Variants in TTC28 observed in about 807,000 individuals in gnomAD.
The protein encoded by TTC28 is tetratricopeptide repeat protein 28.
A neutral mutation model predicts 198.0 loss-of-function variants in TTC28; 61 were observed. That is an observed-to-expected ratio of 0.31 (90% CI 0.25 to 0.38). TTC28 has a LOEUF of 0.38. TTC28 is among the 10% of genes least tolerant of loss of function. The probability of loss-of-function intolerance (pLI) is 1.00; values close to 1 mark genes in which losing one functional copy is unlikely to be tolerated. For synonymous variants in TTC28, 1,171 were observed against 1,297.8 expected (o/e 0.90, Z 2.10); for missense variants, 2,678 against 3,164.0 (o/e 0.85, Z 3.69).
Position 27,983,060 on chromosome 22 carries a change from T to C in TTC28, c.6607A>G (p.Thr2203Ala), listed in dbSNP as rs1250397013. 2 of 1,551,622 alleles carry C rather than the reference T, an allele frequency of 1.3e-6. No individual in the cohort carries two copies. Among genetic ancestry groups the C allele is most frequent in the Admixed American group, 2.0e-5 (1 of 50,992 alleles). The stretch of plus-strand genomic sequence containing the variant: ...GTTTCTGACGCTCTGAAGACAGCAG[T>C]GCTGCTGGGCGCCTGAACGCCGTCT... ...PEDGVQAPSS[T>A]AVFRASETSA... The change falls in exon 23 of 23, where the codon ACT becomes GCT. Residue 2203 changes from threonine (T) to alanine (A), a missense_variant. Transcript: ENST00000397906.
intron 2 of TTC28, among the ~76,000 whole-genome samples, chr22:28,472,670 G>A (rs1312606903): frequency 1.3e-5 from 2 of 151,252 alleles, no homozygotes; most frequent in African/African-American, 4.9e-5. Context: ...GACCAGTTCA[G>A]GCAAGTTATA....
At chr22:28,150,381 C>G (rs150357989) in intron 6 of TTC28, among the ~76,000 whole-genome samples, 27 of 152,302 alleles carry the variant, frequency 1.8e-4, no homozygotes, top group African/African-American at 6.5e-4. Context: ...CGGAGGTGAT[C>G]TGAATAATCG....
intron 2 of TTC28, among the ~76,000 whole-genome samples, chr22:28,341,621 G>A (rs2045830513): frequency 6.6e-6 from 1 of 151,970 alleles, no homozygotes; most frequent in South Asian, 2.1e-4. Context: ...GTGAAACCCT[G>A]TCTCTACTAA....
At chr22:28,436,512 T>C (rs936428504) in intron 2 of TTC28, among the ~76,000 whole-genome samples, 4 of 152,072 alleles carry the variant, frequency 2.6e-5, no homozygotes, top group African/African-American at 7.2e-5. Flanking sequence ...GTTCTTAAAG[T>C]ATAACCAGTA....
intron 5 of TTC28, among the ~76,000 whole-genome samples, chr22:28,224,347 A>T (rs1266696786): frequency 6.6e-6 from 1 of 152,148 alleles, no homozygotes; most frequent in Non-Finnish European, 1.5e-5. Context: ...AAGGTTCCAT[A>T]GCACATGTAG....
chr22:28,193,175 C>T (rs930729707), intron 5 of TTC28, among the ~76,000 whole-genome samples: 6 of 152,106 alleles, frequency 3.9e-5, no homozygotes, highest in Admixed American at 3.9e-4. Context: ...ATTTCATATC[C>T]AGCCAAACTA....
At chr22:28,298,010 CAT>C (rs758110190) in intron 3 of TTC28, among the ~76,000 whole-genome samples, 158 bp from the exon 4 acceptor site, 11 of 152,206 alleles carry the variant, frequency 7.2e-5, no homozygotes, top group Non-Finnish European at 1.6e-4. Context: ...CCACTTATCT[CAT>C]ATGACTAGCA....
chr22:28,082,509 G>T (rs894283255), intron 12 of TTC28, among the ~76,000 whole-genome samples: 1 of 152,188 alleles, frequency 6.6e-6, no homozygotes, highest in Non-Finnish European at 1.5e-5. Flanking sequence ...AAATGATCAT[G>T]TGTTTTTTGT....
At chr22:28,641,316 C>A (rs1030005173) in intron 1 of TTC28, among the ~76,000 whole-genome samples, 43 of 151,444 alleles carry the variant, frequency 2.8e-4, no homozygotes, top group Non-Finnish European at 5.6e-4. Context: ...GAGCAAGACT[C>A]CGTCTCAAAA....
chr22:28,348,995 T>C (rs907537181), intron 2 of TTC28, among the ~76,000 whole-genome samples: 1 of 152,144 alleles, frequency 6.6e-6, no homozygotes, highest in African/African-American at 2.4e-5. Flanking sequence ...ACACACACAG[T>C]GCCCTGACAA....
chr22:28,441,227 G>A (rs1176613293), intron 2 of TTC28, among the ~76,000 whole-genome samples: 1 of 152,162 alleles, frequency 6.6e-6, no homozygotes, highest in South Asian at 2.1e-4. Context: ...ACTGCATATT[G>A]GGTAAAATAG....
rs1437255701 is a variant in TTC28 at position 28,233,784 on chromosome 22, G to A, written c.933+62414C>T. Among the ~76,000 whole-genome samples the A allele has an allele frequency of 5.3e-5, 8 of 152,228 alleles. No individual in the cohort carries two copies. The East Asian group carries it at 5.8e-4, about 11-fold the overall frequency. On this transcript the variant is annotated intron_variant, in intron 5 of 22. Transcript: ENST00000397906. Reference sequence around the variant, plus strand: ...TTTGGAGATGGAGTCTCATTCTGTCGCCCAGGCTGGAGTGCAGTGGCGCAA... The same window carrying A: ...TTTGGAGATGGAGTCTCATTCTGTCACCCAGGCTGGAGTGCAGTGGCGCAA...
At chr22:28,675,735 T>TCACTCGCGCA (rs1555910098) in intron 1 of TTC28, among the ~76,000 whole-genome samples, 4 of 135,206 alleles carry the variant, frequency 3.0e-5, no homozygotes, top group African/African-American at 8.4e-5. Context: ...TGAAACCCTG[T>TCACTCGCGCA]CACACACACA....
rs544512812 is a variant in TTC28, at chr22:28,378,556, G to A, written c.382-71913C>T. Among the ~76,000 whole-genome samples the A allele has an allele frequency of 3.3e-5, 5 of 151,946 alleles. No individual in the cohort carries two copies. In the South Asian group the frequency reaches 1.0e-3, roughly 32 times the overall value. ...CCAGATACTAGGGTGGCTGAGGCAG[G>A]AGGATCACCTGACCCCAGAGGTTGG... On this transcript the variant is annotated intron_variant, in intron 2 of 22. Transcript: ENST00000397906.
At chr22:28,191,614 C>G (rs1012732366) in intron 5 of TTC28, among the ~76,000 whole-genome samples, 1 of 152,228 alleles carries the variant, frequency 6.6e-6, no homozygotes, top group South Asian at 2.1e-4. Context: ...TTCCAACGGT[C>G]TTAGCAAATG....
At chr22:28,327,976 G>A (rs1199063516) in intron 2 of TTC28, among the ~76,000 whole-genome samples, 5 of 152,138 alleles carry the variant, frequency 3.3e-5, no homozygotes, top group Admixed American at 3.3e-4. Context: ...ATTCAAGAGA[G>A]AAAAGATAAA....
Position 28,107,625 on chromosome 22 carries a change from T to G in TTC28, c.2220A>C (p.Gln740His). ...CCTTTACCTGGTGAGCTAAGCCCAG[T>G]TGCTGCTCATAGAATTTTATTGCAC... The part of the protein sequence containing the change: ...INGAIKFYEQ[Q>H]LGLAHQVKDR... Residue 740 changes from glutamine to histidine, a missense_variant, in exon 7 of 23, where the codon CAA becomes CAC. Around this residue, in one of 8 missense-constraint regions of TTC28, gnomAD observed 775 missense variants for 845.9 expected, o/e 0.92. Coordinates refer to ENST00000397906, the MANE Select transcript of TTC28 (RefSeq NM_001145418.2). 2.6e-6 allele frequency: 4 copies of G among 1,551,784 alleles called. No individual in the cohort carries two copies. The South Asian group carries it at 4.8e-5, about 18-fold the overall frequency.
chr22:28,285,080 A>G (rs976963085), intron 5 of TTC28, among the ~76,000 whole-genome samples: 1 of 152,234 alleles, frequency 6.6e-6, no homozygotes, highest in Non-Finnish European at 1.5e-5. Flanking sequence ...CAAGATATGG[A>G]AACAACCTAA....
At chr22:28,417,414 A>C (rs1423747314) in intron 2 of TTC28, among the ~76,000 whole-genome samples, 1 of 151,742 alleles carries the variant, frequency 6.6e-6, no homozygotes, top group Non-Finnish European at 1.5e-5. Flanking sequence ...GTTCAAGACT[A>C]CAGTGAGCTA....
Sources: gnomAD v4.1 joint callset for allele counts (sites outside exome capture counted in the v4.1 genomes callset) on GRCh38, gnomAD v4.1.1 for gene constraint, gnomAD v4.1.1 regional missense constraint, MANE v1.5 for transcripts, NCBI Gene and HGNC (gene_info 2026-07-23, HGNC 2026-07-21) for gene names.